DNAI7: variants seen among roughly 807,000 people sequenced by gnomAD.
DNAI7 encodes the protein cancer susceptibility 1.
A neutral mutation model predicts 86.6 loss-of-function variants in DNAI7; 78 were observed. The observed-to-expected ratio is 0.90, with a 90% CI of 0.75 to 1.09. The LOEUF is 1.09. Among genes scored for constraint, DNAI7 ranks in the 50% least tolerant of loss-of-function variants. DNAI7 has a pLI of 0.00. For missense variants in DNAI7, 753 were observed against 810.2 expected (o/e 0.93, Z 0.86); for synonymous variants, 274 against 273.0 (o/e 1.00, Z -0.04).
intron 2 of DNAI7, among the ~76,000 whole-genome samples, chr12:25,182,639 A>ACACACACACACACAC (rs1555184991): frequency 1.4e-4 from 5 of 36,910 alleles, no homozygotes; most frequent in African/African-American, 2.6e-4. Flanking sequence ...CACACACACA[A>ACACACACACACACAC]GCCAGATGTG....
chr12:25,123,594 T>C (rs1178907203), intron 9 of DNAI7, among the ~76,000 whole-genome samples: 1 of 152,174 alleles, frequency 6.6e-6, no homozygotes, highest in Non-Finnish European at 1.5e-5. Flanking sequence ...ATATTTGCAT[T>C]TTGGTTTATC....
In DNAI7 at chr12:25,174,371, GTT is replaced by G. The variant is rs377325841; in HGVS notation, c.22-13176_22-13175del. 5.5e-3 allele frequency among the ~76,000 whole-genome samples: 37 copies of G among 6,784 alleles called. 15 individuals carry two copies. The highest frequency in any genetic ancestry group is 0.019 in the African/African-American group (17 of 878). The allele number at this position is 6,784 out of a possible 152,430, so 4.5% of individuals were successfully genotyped here. ...TATGATATATATATCCCATATATATGTTATATCATATATATGGGATATATCAT... is the reference window on the plus strand; with the variant it reads ...TATGATATATATATCCCATATATATGATATCATATATATGGGATATATCAT... On this transcript the variant is annotated intron_variant, in intron 2 of 15. Transcript: ENST00000395987.
At chr12:25,131,880 C>T (rs530520094) in intron 9 of DNAI7, among the ~76,000 whole-genome samples, 81 of 152,232 alleles carry the variant, frequency 5.3e-4, no homozygotes, top group African/African-American at 1.9e-3. Flanking sequence ...TATGAAGTCT[C>T]TCAAGAAATT....
At chr12:25,176,025 AGCCGAGATCAT>A (rs1276890816) in intron 2 of DNAI7, among the ~76,000 whole-genome samples, 1 of 152,084 alleles carries the variant, frequency 6.6e-6, no homozygotes, top group Non-Finnish European at 1.5e-5. Context: ...GATTGCAGGG[AGCCGAGATCAT>A]GCCACTGCAC....
chr12:25,112,657 C>T lies in DNAI7; in HGVS notation c.1612-718G>A, dbSNP rs1004858244. ...TCCTGACCTTGTGATCTGCCCACCTCGGCCTCCTAAAGCGCTGGGATTACA... is the reference window on the plus strand; with the variant it reads ...TCCTGACCTTGTGATCTGCCCACCTTGGCCTCCTAAAGCGCTGGGATTACA... On this transcript the variant is annotated intron_variant, in intron 13 of 15. Transcript: ENST00000395987. Among the ~76,000 whole-genome samples, 3 of 152,036 alleles carry T rather than the reference C, an allele frequency of 2.0e-5. No individual in the cohort carries two copies. In the East Asian group the frequency reaches 5.8e-4, roughly 29 times the overall value.
chr12:25,169,504 G>A (rs770926030), intron 2 of DNAI7, among the ~76,000 whole-genome samples: 2 of 152,088 alleles, frequency 1.3e-5, no homozygotes, highest in African/African-American at 4.8e-5. Context: ...CTCTTCACAC[G>A]GACGAGAGTG....
chr12:25,131,103 A>G (rs1400697251), intron 9 of DNAI7, among the ~76,000 whole-genome samples: 3 of 151,898 alleles, frequency 2.0e-5, no homozygotes, highest in African/African-American at 7.3e-5. Flanking sequence ...AGATATAATG[A>G]TGTAAGATTT....
intron 2 of DNAI7, among the ~76,000 whole-genome samples, chr12:25,189,914 A>G (rs1950348518): frequency 1.3e-5 from 2 of 151,598 alleles, no homozygotes; most frequent in South Asian, 4.2e-4. Context: ...TTTAGGCCCA[A>G]TGTTATCAGG....
rs746643417 is a variant in DNAI7 at position 25,123,241 on chromosome 12, T to A, written c.1048A>T (p.Met350Leu). The change falls in exon 10 of 16, where the codon ATG becomes TTG. Residue 350 changes from methionine to leucine, a missense_variant. Met to Leu is a conservative substitution (Grantham distance 15, BLOSUM62 2). Coordinates refer to ENST00000395987, the MANE Select transcript of DNAI7 (RefSeq NM_018272.5). ...GAAACAGTTTCACTTAATACTTTCA[T>A]CTCTCGTTCACATTTTATGGCTTCA... ...ESEAIKCERE[M>L]KVLSETVSAA... 7.5e-6 allele frequency: 12 copies of A among 1,606,304 alleles called. No homozygotes were observed. The East Asian group carries it at 2.5e-4, about 33-fold the overall frequency.
In DNAI7 at chr12:25,109,289, C is replaced by T. The variant is rs538852130; in HGVS notation, c.1894-466G>A. The stretch of plus-strand genomic sequence containing the variant: ...TAGAATTTGATATGGTTACTACCAC[C>T]TGATAACAAGAAGGTATCAGGAAGT... On this transcript the variant is annotated intron_variant, in intron 15 of 15. Coordinates refer to ENST00000395987, the MANE Select transcript of DNAI7 (RefSeq NM_018272.5). 9.7e-4 allele frequency among the ~76,000 whole-genome samples: 147 copies of T among 152,308 alleles called. 3 individuals carry two copies. The South Asian group carries it at 0.028, about 29-fold the overall frequency.
At chr12:25,129,570 G>A (rs12228638) in intron 9 of DNAI7, among the ~76,000 whole-genome samples, 77,954 of 151,830 alleles carry the variant, frequency 0.51, 23,314 homozygotes, top group East Asian at 0.89. Context: ...ATTTATCCAC[G>A]ATGATCACAA....
At chr12:25,191,455 A>G (rs1950511431) in intron 1 of DNAI7, among the ~76,000 whole-genome samples, 1 of 152,176 alleles carries the variant, frequency 6.6e-6, no homozygotes, top group Non-Finnish European at 1.5e-5. Flanking sequence ...CTGTAATCCC[A>G]GGACTTTGGG....
chr12:25,191,302 A>G (rs1950494137), intron 1 of DNAI7, among the ~76,000 whole-genome samples: 1 of 152,130 alleles, frequency 6.6e-6, no homozygotes, highest in African/African-American at 2.4e-5. Flanking sequence ...GCTACTTGGG[A>G]GGCTGAGGTG....
chr12:25,116,520 T>A (rs200995329), intron 12 of DNAI7, among the ~76,000 whole-genome samples: 1 of 151,510 alleles, frequency 6.6e-6, no homozygotes. Context: ...ATTTTTTTTT[T>A]CAGAGTTTCA....
intron 9 of DNAI7, among the ~76,000 whole-genome samples, chr12:25,135,327 T>A (rs1432830863): frequency 6.6e-6 from 1 of 152,114 alleles, no homozygotes; most frequent in African/African-American, 2.4e-5. Flanking sequence ...GCGCTCCTGG[T>A]CTCCAGGGAA....
intron 8 of DNAI7, among the ~76,000 whole-genome samples, chr12:25,145,250 AC>A (rs1465835767): frequency 6.6e-6 from 1 of 152,178 alleles, no homozygotes; most frequent in African/African-American, 2.4e-5. Context: ...CTCAAAATAT[AC>A]TACACCTCAG....
At chr12:25,195,020 G>C (rs778722054) in intron 1 of DNAI7, 56 bp downstream of exon 1, 1 of 1,614,224 alleles carries the variant, frequency 6.2e-7, no homozygotes, top group Non-Finnish European at 8.5e-7. Flanking sequence ...TTTAACACTG[G>C]TGAAGCAGAA....
At chr12:25,155,476 C>T in intron 4 of DNAI7, 64 bp from the exon 5 acceptor site, 1 of 807,810 alleles carries the variant, frequency 1.2e-6, no homozygotes, top group South Asian at 1.8e-5. Context: ...TCACAAGTAG[C>T]ATCTAAAACT....
intron 1 of DNAI7, among the ~76,000 whole-genome samples, chr12:25,193,338 GATGGAGA>G (rs957262158): frequency 6.6e-6 from 1 of 152,078 alleles, no homozygotes; most frequent in Non-Finnish European, 1.5e-5. Context: ...AATATACTCA[GATGGAGA>G]ATGCCATGTG....
Sources: allele counts gnomAD v4.1 joint callset (sites outside exome capture counted in the v4.1 genomes callset), GRCh38; gene constraint gnomAD v4.1.1; transcripts MANE v1.5; gene names NCBI Gene and HGNC (gene_info 2026-07-23, HGNC 2026-07-21).